GAK: variants seen among roughly 807,000 people sequenced by gnomAD.
The protein encoded by GAK is cyclin-G-associated kinase.
Under a neutral mutation model 143.9 loss-of-function variants are expected in GAK, and 79 were observed. The observed-to-expected ratio is 0.55, with a 90% confidence interval of 0.46 to 0.66. The LOEUF (loss-of-function observed/expected upper bound fraction) is 0.66, where lower values mean the gene tolerates loss of function less well. GAK is among the 30% of genes least tolerant of loss of function. GAK has a pLI of 0.00. For synonymous variants in GAK, 881 were observed against 765.5 expected, an observed-to-expected ratio of 1.15 and a Z score of -2.49; for missense variants, 1,693 against 1,779.7, an observed-to-expected ratio of 0.95 and a Z score of 0.88.
In GAK at chr4:867,416, C is replaced by T. The variant is rs1751403615; in HGVS notation, c.2412G>A (p.Glu804=). 6.5e-7 allele frequency: 1 copy of T among 1,529,656 alleles called. No homozygotes were observed. Among genetic ancestry groups the T allele is most frequent in the Non-Finnish European group, 8.8e-7 (1 of 1,134,332 alleles). 94.8% of individuals were successfully genotyped at this position (1,529,656 alleles called of 1,614,324 possible). Residue 804 remains glutamate, a synonymous_variant, in exon 21 of 28, where the codon GAG becomes GAA. Transcript: ENST00000314167. ...TLDWQEEKEA[E]TGAENASSKE... is the part of the protein sequence containing the mutation. ...TGGAAGAGGCATTTTCTGCACCAGT[C>T]TCTGCCTCCTTCTCTTCTGCGAAAA...
chr4:859,556 C>A, intron 24 of GAK, 50 bp downstream of exon 24: 2 of 1,587,624 alleles, frequency 1.3e-6, no homozygotes, highest in Non-Finnish European at 1.7e-6. Context: ...CGAGAATAAA[C>A]CTCCTACAAG....
At chr4:923,942 T>A (rs889171380) in intron 1 of GAK, among the ~76,000 whole-genome samples, 5 of 152,080 alleles carry the variant, frequency 3.3e-5, no homozygotes, top group African/African-American at 1.2e-4. Context: ...CCCAGCACTT[T>A]GGGAGGCCAA....
At chr4:931,271 G>A (rs954393315) in intron 1 of GAK, among the ~76,000 whole-genome samples, 1 of 152,192 alleles carries the variant, frequency 6.6e-6, no homozygotes, top group African/African-American at 2.4e-5. Context: ...TGTCCACTCT[G>A]CAAGTTCTAT....
At position 889,027 on chromosome 4, in the gene GAK, G is replaced by A. The variant is rs936228179; in HGVS notation, c.1082-57C>T. 10 of 1,542,202 alleles carry A rather than the reference G, an allele frequency of 6.5e-6. No homozygotes were observed. The African/African-American group carries it at 1.4e-4, about 21-fold the overall frequency. ...GGTGCTCGGTCCCACCTCCCCAGGT[G>A]CGGGTTGCTGGCTGGGCCCAGGCCC... is the stretch of plus-strand genomic sequence containing the variant. On this transcript the variant is annotated intron_variant, in intron 10 of 27. Transcript: ENST00000314167.
chr4:860,541 G>A (rs1333588595), intron 23 of GAK, among the ~76,000 whole-genome samples: 1 of 152,160 alleles, frequency 6.6e-6, no homozygotes, highest in Admixed American at 6.5e-5. Flanking sequence ...CAAACTAAGA[G>A]TCAACCTCAT....
In GAK at chr4:884,056, G is replaced by A. The variant is rs1715734122; in HGVS notation, c.1236C>T (p.Tyr412=). Reference sequence around the variant, plus strand: ...GCATACCTGCAATTCTGGATGTGATGTAAGATATGTCCAGGTCACCCTTTG... The same window carrying A: ...GCATACCTGCAATTCTGGATGTGATATAAGATATGTCCAGGTCACCCTTTG... ...NYAKGDLDIS[Y]ITSRIAVMSF... is the part of the protein sequence containing the mutation. Residue 412 remains tyrosine, a synonymous_variant, in exon 12 of 28, where the codon TAC becomes TAT. Coordinates refer to ENST00000314167, the MANE Select transcript of GAK (RefSeq NM_005255.4). 2 of 1,613,866 alleles carry A rather than the reference G, an allele frequency of 1.2e-6. No individual in the cohort carries two copies. The highest frequency in any genetic ancestry group is 1.7e-6 in the Non-Finnish European group (2 of 1,179,864).
At chr4:849,828 G>A in intron 27 of GAK, 54 bp from the exon 28 acceptor site, 2 of 1,398,736 alleles carry the variant, frequency 1.4e-6, no homozygotes, top group South Asian at 1.2e-5. Flanking sequence ...GGGCGGGCGG[G>A]GCAGGACCCC....
intron 9 of GAK, among the ~76,000 whole-genome samples, chr4:891,635 C>T (rs910724035): frequency 6.6e-6 from 1 of 152,116 alleles, no homozygotes; most frequent in African/African-American, 2.4e-5. Context: ...CTGATTCTGC[C>T]CATCTGCCCA....
At chr4:856,340 CACACCTGCT>C (rs1749171113) in intron 24 of GAK, among the ~76,000 whole-genome samples, 1 of 133,418 alleles carries the variant, frequency 7.5e-6, no homozygotes, top group African/African-American at 2.9e-5. Context: ...CACAGCTGCT[CACACCTGCT>C]CACACCTGCT....
At chr4:852,291 G>A in intron 24 of GAK, 1 of 416,834 alleles carries the variant, frequency 2.4e-6, no homozygotes, top group Non-Finnish European at 4.3e-6. Context: ...TTGGGGCAGT[G>A]TCCCCACGTC....
chr4:877,967 TTA>T (rs762125201), intron 15 of GAK, among the ~76,000 whole-genome samples, 158 bp from the exon 16 acceptor site: 8 of 151,654 alleles, frequency 5.3e-5, no homozygotes, highest in African/African-American at 1.9e-4. Context: ...TTTCATTTAG[TTA>T]TATATATATG....
intron 5 of GAK, among the ~76,000 whole-genome samples, chr4:900,642 C>G (rs1719694598): frequency 6.6e-6 from 1 of 152,200 alleles, no homozygotes; most frequent in South Asian, 2.1e-4. Flanking sequence ...ACGGGCAGGA[C>G]TGGCCCCTCA....
chr4:889,331 G>A (rs1577183549), intron 10 of GAK, among the ~76,000 whole-genome samples: 1 of 152,216 alleles, frequency 6.6e-6, no homozygotes, highest in Non-Finnish European at 1.5e-5. Context: ...CCGGCCTCAC[G>A]GCCACAGCTT....
In GAK at chr4:870,172, C is replaced by A. The variant is rs550108814; in HGVS notation, c.2248+539G>T. On this transcript the variant is annotated intron_variant, in intron 19 of 27. Coordinates refer to ENST00000314167, the MANE Select transcript of GAK (RefSeq NM_005255.4). ...TCACACATACAGCCTCTTTCAGGGA[C>A]GCTGAAGATGCTCAGAAAGAAAAAG... is the stretch of plus-strand genomic sequence containing the variant. Among the ~76,000 whole-genome samples, 4 of 152,324 alleles carry A rather than the reference C, an allele frequency of 2.6e-5. No homozygotes were observed. The South Asian group carries it at 8.3e-4, about 32-fold the overall frequency.
Position 898,135 on chromosome 4 carries a change from G to T in GAK, c.549C>A (p.Asn183Lys). The change falls in exon 6 of 28, where the codon AAC (asparagine) becomes AAA (lysine). Residue 183 changes from asparagine to lysine, a missense_variant. Coordinates refer to ENST00000314167, the MANE Select transcript of GAK (RefSeq NM_005255.4). ...AGTCACACAGCTTAATGGTCCCTTG[G>T]TTACTAAGCAACAAGTTCTCAACCT... The part of the protein sequence containing the change: ...DLKVENLLLS[N>K]QGTIKLCDFG... The T allele has an allele frequency of 6.2e-7, 1 of 1,614,162 alleles. No homozygotes were observed. Among genetic ancestry groups the T allele is most frequent in the Non-Finnish European group, 8.5e-7 (1 of 1,179,984 alleles).
In GAK at chr4:926,300, G is replaced by A. The variant is rs556539721; in HGVS notation, c.145+5743C>T. On this transcript the variant is annotated intron_variant, in intron 1 of 27. Coordinates refer to ENST00000314167, the MANE Select transcript of GAK (RefSeq NM_005255.4). The stretch of plus-strand genomic sequence containing the variant: ...CCAAGGGTCAGCCGCAGCTGAGCAT[G>A]AAGTGGTGTTGGCCTGTCACTCTCC... Among the ~76,000 whole-genome samples the A allele has an allele frequency of 3.3e-5, 5 of 152,306 alleles. No homozygotes were observed. The South Asian group carries it at 8.3e-4, about 25-fold the overall frequency.
intron 17 of GAK, 84 bp downstream of exon 17, chr4:877,006 G>A: frequency 2.1e-6 from 2 of 931,688 alleles, no homozygotes; most frequent in Non-Finnish European, 3.4e-6. Flanking sequence ...GACCCTCGGT[G>A]AGAAGTGAGC....
rs144267254 is a variant in GAK, at chr4:874,121, C to CTG, written c.2054+2407_2054+2408dup. Among the ~76,000 whole-genome samples, 32 of 151,960 alleles carry CTG rather than the reference C, an allele frequency of 2.1e-4. 1 individual carries two copies. Among genetic ancestry groups the CTG allele is most frequent in the South Asian group, 1.9e-3 (9 of 4,808 alleles). ...TTCACTCGGTTAATCCCCTCCTCGG[C>CTG]TGTGTGTGTGTGTGCGCGCTGGTGC... On this transcript the variant is annotated intron_variant, in intron 18 of 27. Transcript: ENST00000314167.
At chr4:924,217 G>A (rs533667602) in intron 1 of GAK, among the ~76,000 whole-genome samples, 1 of 148,356 alleles carries the variant, frequency 6.7e-6, no homozygotes, top group East Asian at 2.0e-4. Flanking sequence ...ATCATCATCA[G>A]GGAAATTCCA....
Sources: gnomAD v4.1 joint callset for allele counts (sites outside exome capture counted in the v4.1 genomes callset) on GRCh38, gnomAD v4.1.1 for gene constraint, MANE v1.5 for transcripts, NCBI Gene and HGNC (gene_info 2026-07-23, HGNC 2026-07-21) for gene names.